IL12RB1: variants seen among roughly 807,000 people sequenced by gnomAD.
IL12RB1 encodes interleukin 12 receptor subunit beta 1.
A neutral mutation model predicts 94.4 loss-of-function variants in IL12RB1; 64 were observed. That is an observed-to-expected ratio of 0.68 (90% CI 0.55 to 0.83). IL12RB1 has a LOEUF of 0.83. Among genes scored for constraint, IL12RB1 ranks in the 40% least tolerant of loss-of-function variants. The probability of loss-of-function intolerance (pLI) is 0.00; values close to 1 mark genes in which losing one functional copy is unlikely to be tolerated. For missense variants in IL12RB1, 814 were observed against 855.6 expected (o/e 0.95, Z 0.61); for synonymous variants, 362 against 355.5 (o/e 1.02, Z -0.21).
At chr19:18,093,896 C>T (rs1017581901) in intron 1 of IL12RB1, among the ~76,000 whole-genome samples, 1 of 152,118 alleles carries the variant, frequency 6.6e-6, no homozygotes, top group Admixed American at 6.6e-5. Flanking sequence ...TTCTCAGGGA[C>T]CTTCAGCCCG....
At position 18,068,442 on chromosome 19, in the gene IL12RB1, T is replaced by C; in HGVS notation, c.1274A>G (p.Glu425Gly). ...GACCGTAGACCACAAGGTGAGCTTC[T>C]CGGGGTGCGCAGAGGCAAAGATGGT... ...YITIFASAHP[E>G]KLTLWSTVLS... The change falls in exon 11 of 17, where the codon GAG becomes GGG. Residue 425 changes from glutamate to glycine, a missense_variant. Transcript: ENST00000593993. 6.2e-7 allele frequency: 1 copy of C among 1,613,628 alleles called. No homozygotes were observed. The highest frequency in any genetic ancestry group is 8.5e-7 in the Non-Finnish European group (1 of 1,179,662).
chr19:18,083,088 T>G, intron 2 of IL12RB1: 2 of 415,478 alleles, frequency 4.8e-6, no homozygotes, highest in Non-Finnish European at 9.0e-6. Flanking sequence ...GTCTCAAAAA[T>G]AAATAAATGA....
At chr19:18,092,004 G>A (rs1156522126) in intron 1 of IL12RB1, among the ~76,000 whole-genome samples, 1 of 151,006 alleles carries the variant, frequency 6.6e-6, no homozygotes, top group African/African-American at 2.4e-5. Context: ...AGCCTCCTGA[G>A]TAGCTGGGAT....
chr19:18,072,871 C>T (rs1051317133), intron 8 of IL12RB1, among the ~76,000 whole-genome samples: 8 of 145,082 alleles, frequency 5.5e-5, no homozygotes, highest in Non-Finnish European at 8.9e-5. Flanking sequence ...GGCGTGAACC[C>T]GGGAGGCGGA....
chr19:18,084,409 T>C (rs538300537), intron 1 of IL12RB1, among the ~76,000 whole-genome samples: 30 of 150,734 alleles, frequency 2.0e-4, no homozygotes, highest in Non-Finnish European at 3.3e-4. Context: ...TATTAATCCA[T>C]CCATCCATCC....
At chr19:18,089,971 G>A (rs1599590385), upstream of IL12RB1, among the ~76,000 whole-genome samples, 1 of 152,240 alleles carries the variant, frequency 6.6e-6, no homozygotes, top group South Asian at 2.1e-4. Context: ...AGCCTTCTCT[G>A]GCCCCGGGGC....
intron 9 of IL12RB1, 85 bp from the exon 10 acceptor site, chr19:18,069,798 A>C: frequency 1.0e-6 from 1 of 1,004,004 alleles, no homozygotes; most frequent in Non-Finnish European, 1.6e-6. Flanking sequence ...CCTCTCTCCC[A>C]CCCTCTCGTC....
chr19:18,059,905 AC>A lies in IL12RB1; in HGVS notation c.1971del (p.Arg657SerfsTer9). ...CTGGGCCCCAGGACCTTGGCCTTGCACCTGTCTCCATCCTCCAAGGACAACT... is the reference window on the plus strand; with the variant it reads ...CTGGGCCCCAGGACCTTGGCCTTGCACTGTCTCCATCCTCCAAGGACAACT... ...DTELSLEDGD[R>X]CKAKM On this transcript the variant is annotated frameshift_variant, in exon 16 of 17. Transcript: ENST00000593993. LOFTEE classifies it high-confidence loss of function. 6.4e-7 allele frequency: 1 copy of A among 1,574,294 alleles called. No individual in the cohort carries two copies. Among genetic ancestry groups the A allele is most frequent in the Non-Finnish European group, 8.6e-7 (1 of 1,160,590 alleles).
chr19:18,084,771 A>G (rs1049965203), intron 1 of IL12RB1, among the ~76,000 whole-genome samples: 7 of 152,144 alleles, frequency 4.6e-5, no homozygotes, highest in African/African-American at 1.7e-4. Context: ...CTATCCATTC[A>G]TCCACCACCC....
At position 18,062,719 on chromosome 19, in the gene IL12RB1, C is replaced by T. The variant is rs377444940; in HGVS notation, c.1619-442G>A. On this transcript the variant is annotated intron_variant, in intron 13 of 16. Transcript: ENST00000593993. Reference sequence around the variant, plus strand: ...CTCGGGAGGCGGAGGTTGCAGTGAGCCGAGATCGCATCATTGCATTCCAGC... The same window carrying T: ...CTCGGGAGGCGGAGGTTGCAGTGAGTCGAGATCGCATCATTGCATTCCAGC... Among the ~76,000 whole-genome samples, 105 of 83,068 alleles carry T rather than the reference C, an allele frequency of 1.3e-3. 2 individuals are homozygous for T. In the East Asian group the frequency reaches 0.026, roughly 20 times the overall value. 54.5% of individuals were successfully genotyped at this position (83,068 alleles called of 152,430 possible). A position where few individuals can be genotyped will look rare whatever the true frequency, so the allele number is the denominator to read the frequency against.
At chr19:18,097,716 C>A in intron 1 of IL12RB1, 1 of 1,022,912 alleles carries the variant, frequency 9.8e-7, no homozygotes, top group Non-Finnish European at 1.2e-6. Flanking sequence ...ACCGGCCTGG[C>A]CAATGGCACC....
intron 11 of IL12RB1, among the ~76,000 whole-genome samples, 166 bp downstream of exon 11, chr19:18,068,223 G>A (rs938987168): frequency 4.1e-4 from 62 of 151,426 alleles, no homozygotes; most frequent in African/African-American, 1.4e-3. Flanking sequence ...ACAGGGTTTC[G>A]CCACATTGGC....
intron 4 of IL12RB1, 129 bp downstream of exon 4, chr19:18,080,703 T>C: frequency 1.3e-6 from 1 of 766,456 alleles, no homozygotes; most frequent in Non-Finnish European, 2.4e-6. Flanking sequence ...TGCGTGACAC[T>C]ACGTGAAGTG....
At chr19:18,084,684 TCC>T (rs1491458232) in intron 1 of IL12RB1, among the ~76,000 whole-genome samples, 5,895 of 149,662 alleles carry the variant, frequency 0.039, 408 homozygotes, top group African/African-American at 0.14. Flanking sequence ...CATCCATCCA[TCC>T]ATCCATCCAT....
chr19:18,095,504 G>C (rs1284811753), intron 1 of IL12RB1, among the ~76,000 whole-genome samples: 1 of 152,166 alleles, frequency 6.6e-6, no homozygotes, highest in Non-Finnish European at 1.5e-5. Flanking sequence ...CAGATTGGTA[G>C]TTGCCAGGGG....
At position 18,077,276 on chromosome 19, in the gene IL12RB1, C is replaced by A. The variant is rs181122598; in HGVS notation, c.549+240G>T. Among the ~76,000 whole-genome samples the A allele has an allele frequency of 5.1e-3, 782 of 152,010 alleles. 4 individuals are homozygous for A. Among genetic ancestry groups the A allele is most frequent in the Middle Eastern group, 0.014 (4 of 292 alleles). The stretch of plus-strand genomic sequence containing the variant: ...ACTCGGGAGGCTGACGCAGGACAAT[C>A]GCTTGAACCCGGGAGGCAGAGGTTG... On this transcript the variant is annotated intron_variant, in intron 5 of 16. Coordinates refer to ENST00000593993, the MANE Select transcript of IL12RB1 (RefSeq NM_005535.3).
chr19:18,094,223 G>A (rs1197371328), intron 1 of IL12RB1, among the ~76,000 whole-genome samples: 1 of 152,196 alleles, frequency 6.6e-6, no homozygotes, highest in Admixed American at 6.5e-5. Context: ...CTGCCTCCCA[G>A]GTTCAAGTGA....
At chr19:18,083,383 G>A (rs1178065885) in intron 2 of IL12RB1, 49 bp downstream of exon 2, 1 of 1,568,920 alleles carries the variant, frequency 6.4e-7, no homozygotes, top group Non-Finnish European at 8.8e-7. Context: ...GATGGGGTCA[G>A]GCAGAGCCCT....
Position 18,072,167 on chromosome 19 carries a change from G to T in IL12RB1, c.966C>A (p.Asn322Lys), listed in dbSNP as rs746816826. Residue 322 changes from asparagine (N) to lysine (K), a missense_variant, in exon 9 of 17, where the codon AAC (asparagine) becomes AAA (lysine). Coordinates refer to ENST00000593993, the MANE Select transcript of IL12RB1 (RefSeq NM_005535.3). ...AAYNVAVISSNQFGPGLNQTW... is the reference protein window; with the variant it reads ...AAYNVAVISSKQFGPGLNQTW... ...TCTGGTTCAGGCCAGGACCAAATTG[G>T]TTCGAGGAGATGACAGCCACGTTGT... 1.9e-6 allele frequency: 3 copies of T among 1,614,064 alleles called. No individual in the cohort carries two copies. Among genetic ancestry groups the T allele is most frequent in the South Asian group, 1.1e-5 (1 of 91,076 alleles).
Sources: gnomAD v4.1 joint callset for allele counts (sites outside exome capture counted in the v4.1 genomes callset) on GRCh38, gnomAD v4.1.1 for gene constraint, MANE v1.5 for transcripts, NCBI Gene and HGNC (gene_info 2026-07-23, HGNC 2026-07-21) for gene names.